Variants in SRPK2 observed in about 807,000 individuals in gnomAD.
The protein encoded by SRPK2 is SFRS protein kinase 2.
SRPK2 carries 21 observed loss-of-function variants against 90.8 expected under a neutral mutation model. The observed-to-expected ratio is 0.23, with a 90% CI of 0.16 to 0.33. The LOEUF (loss-of-function observed/expected upper bound fraction) is 0.33, where lower values mean the gene tolerates loss of function less well. Among genes scored for constraint, SRPK2 ranks in the 10% least tolerant of loss-of-function variants. SRPK2 has a pLI of 1.00. For synonymous variants in SRPK2, 288 were observed against 311.1 expected (o/e 0.93, Z 0.78); for missense variants, 620 against 869.0 (o/e 0.71, Z 3.60).
intron 11 of SRPK2, among the ~76,000 whole-genome samples, chr7:105,135,396 G>GTC (rs1562967949): frequency 6.6e-6 from 1 of 152,138 alleles, no homozygotes. Flanking sequence ...CTGAACCATC[G>GTC]TCTGGGGCAG....
intron 14 of SRPK2, 47 bp from the exon 15 acceptor site, chr7:105,126,387 G>A (rs754871035): frequency 7.4e-7 from 1 of 1,360,036 alleles, no homozygotes; most frequent in South Asian, 1.2e-5. Context: ...GGGGCAAAGG[G>A]AAGGATGGGA....
At chr7:105,305,645 T>G (rs1811064440) in intron 2 of SRPK2, among the ~76,000 whole-genome samples, 1 of 149,030 alleles carries the variant, frequency 6.7e-6, no homozygotes, top group Non-Finnish European at 1.5e-5. Flanking sequence ...AGCACACTGT[T>G]GGAGAGGAAA....
chr7:105,275,607 G>A (rs1263955693), intron 2 of SRPK2, among the ~76,000 whole-genome samples: 2 of 152,166 alleles, frequency 1.3e-5, no homozygotes, highest in African/African-American at 4.8e-5. Context: ...GTAACACACT[G>A]TAAGTTTAAG....
intron 2 of SRPK2, chr7:105,206,029 T>C (rs752632920): frequency 3.9e-5 from 20 of 518,434 alleles, no homozygotes; most frequent in Non-Finnish European, 6.9e-5. Context: ...CTACTGTACT[T>C]AGCACAATGG....
intron 2 of SRPK2, chr7:105,245,056 C>T (rs1801440730): frequency 1.5e-6 from 1 of 655,318 alleles, no homozygotes; most frequent in South Asian, 1.6e-5. Flanking sequence ...CACACACACA[C>T]ACACACACAC....
intron 13 of SRPK2, among the ~76,000 whole-genome samples, chr7:105,129,833 T>C (rs942015784): frequency 6.6e-6 from 1 of 152,174 alleles, no homozygotes; most frequent in African/African-American, 2.4e-5. Context: ...TGCTGAAGTA[T>C]CCCGATTCTG....
chr7:105,372,040 C>A (rs945439443), intron 2 of SRPK2, among the ~76,000 whole-genome samples: 5 of 148,872 alleles, frequency 3.4e-5, no homozygotes, highest in Non-Finnish European at 4.4e-5. Flanking sequence ...GAGGCTGAGG[C>A]AGGAGAATGG....
chr7:105,295,496 G>A (rs531587766), intron 2 of SRPK2, among the ~76,000 whole-genome samples: 1 of 152,114 alleles, frequency 6.6e-6, no homozygotes, highest in African/African-American at 2.4e-5. Flanking sequence ...CATGCTACAA[G>A]ATGGATAAAC....
In SRPK2 at chr7:105,349,260, C is replaced by T. The variant is rs190271075; in HGVS notation, c.71+39388G>A. Among the ~76,000 whole-genome samples, 9 of 150,600 alleles carry T rather than the reference C, an allele frequency of 6.0e-5. No individual in the cohort carries two copies. In the East Asian group the frequency reaches 6.1e-4, roughly 10 times the overall value. ...TAAGGGGGCCAAGCATGGTGGCTCA[C>T]GCCTGTAATCCCAGCACTTTGGGAG... On this transcript the variant is annotated intron_variant, in intron 2 of 15. Transcript: ENST00000393651.
Position 105,211,015 on chromosome 7 carries a change from G to A in SRPK2, c.72-7230C>T, listed in dbSNP as rs965745666. On this transcript the variant is annotated intron_variant, in intron 2 of 15. Transcript: ENST00000393651. ...GAACTCTGAAGCTCAGATGAGAGCT[G>A]CAGATCTGGCCAACACCTTGGTTTC... Among the ~76,000 whole-genome samples, 69 of 152,330 alleles carry A rather than the reference G, an allele frequency of 4.5e-4. 3 individuals are homozygous for A. Among genetic ancestry groups the A allele is most frequent in the East Asian group, 1.9e-4 (1 of 5,184 alleles).
chr7:105,251,820 T>C (rs1232515473), intron 2 of SRPK2, among the ~76,000 whole-genome samples: 1 of 152,224 alleles, frequency 6.6e-6, no homozygotes, highest in Admixed American at 6.5e-5. Context: ...TTTGGGGGTT[T>C]TGTATTTTTT....
intron 2 of SRPK2, among the ~76,000 whole-genome samples, chr7:105,288,616 A>AC (rs1808504292): frequency 6.6e-6 from 1 of 152,096 alleles, no homozygotes; most frequent in Non-Finnish European, 1.5e-5. Flanking sequence ...AACAACAACA[A>AC]AAAAAATATA....
intron 2 of SRPK2, among the ~76,000 whole-genome samples, chr7:105,349,009 G>A (rs1816817774): frequency 6.6e-6 from 1 of 151,568 alleles, no homozygotes; most frequent in Non-Finnish European, 1.5e-5. Flanking sequence ...AGCCGGGCGT[G>A]GTGGCGCTTT....
chr7:105,306,373 G>A (rs1032535307), intron 2 of SRPK2: 17 of 375,296 alleles, frequency 4.5e-5, no homozygotes, highest in South Asian at 2.5e-4. Context: ...CATAATAACT[G>A]TGAATTATTT....
intron 11 of SRPK2, among the ~76,000 whole-genome samples, chr7:105,136,865 G>A (rs1370539006): frequency 6.6e-6 from 1 of 152,192 alleles, no homozygotes; most frequent in African/African-American, 2.4e-5. Flanking sequence ...CCTTCTGTGT[G>A]CTAAGCATGG....
intron 2 of SRPK2, among the ~76,000 whole-genome samples, chr7:105,302,602 A>G (rs1414446483): frequency 1.3e-5 from 2 of 152,190 alleles, no homozygotes; most frequent in African/African-American, 2.4e-5. Flanking sequence ...AACTTTATAC[A>G]TGATACTTTT....
chr7:105,276,573 TAAA>T (rs111355343), intron 2 of SRPK2, among the ~76,000 whole-genome samples: 1 of 137,562 alleles, frequency 7.3e-6, no homozygotes, highest in African/African-American at 2.7e-5. Context: ...CTTCATCTCT[TAAA>T]AAAAAAAAAA....
At chr7:105,335,651 TAAA>T (rs60278367) in intron 2 of SRPK2, among the ~76,000 whole-genome samples, 1 of 114,930 alleles carries the variant, frequency 8.7e-6, no homozygotes, top group South Asian at 2.9e-4. Flanking sequence ...GACCATCTTT[TAAA>T]AAAAAAAAAA....
intron 7 of SRPK2, among the ~76,000 whole-genome samples, chr7:105,158,965 C>A (rs1300106311): frequency 6.6e-6 from 1 of 151,938 alleles, no homozygotes; most frequent in Admixed American, 6.6e-5. Flanking sequence ...TTTGAGATAT[C>A]AGCCTGTCGA....
Sources: gnomAD v4.1 joint callset for allele counts (sites outside exome capture counted in the v4.1 genomes callset) on GRCh38, gnomAD v4.1.1 for gene constraint, MANE v1.5 for transcripts, NCBI Gene and HGNC (gene_info 2026-07-23, HGNC 2026-07-21) for gene names.